MBNL1: variants seen among roughly 807,000 people sequenced by gnomAD.
The protein encoded by MBNL1 is muscleblind like splicing regulator 1.
Under a neutral mutation model 42.2 loss-of-function variants are expected in MBNL1, and 8 were observed. The observed-to-expected ratio is 0.19, with a 90% confidence interval of 0.11 to 0.34. The LOEUF (loss-of-function observed/expected upper bound fraction) is 0.34. Ranked by LOEUF, MBNL1 falls within the 10% of genes least tolerant of loss-of-function variation. MBNL1 has a pLI of 1.00. For missense variants in MBNL1, 309 were observed against 495.3 expected (o/e 0.62, Z 3.57); for synonymous variants, 169 against 173.9 (o/e 0.97, Z 0.22).
At chr3:152,392,919 A>C (rs931075934) in intron 2 of MBNL1, among the ~76,000 whole-genome samples, 1 of 152,222 alleles carries the variant, frequency 6.6e-6, no homozygotes, top group Non-Finnish European at 1.5e-5. Flanking sequence ...ACAGGAAAAC[A>C]TGCTTGTACA....
intron 2 of MBNL1, among the ~76,000 whole-genome samples, chr3:152,257,110 T>C (rs1047002793): frequency 6.6e-6 from 1 of 152,146 alleles, no homozygotes; most frequent in African/African-American, 2.4e-5. Context: ...CACCATACTA[T>C]CGGATTATTG....
At chr3:152,295,841 A>G (rs1163875200) in intron 1 of MBNL1, among the ~76,000 whole-genome samples, 1 of 152,256 alleles carries the variant, frequency 6.6e-6, no homozygotes, top group African/African-American at 2.4e-5. Context: ...GCACCTGCCA[A>G]GAACCCTCAG....
At chr3:152,461,227 A>G (rs1421914085) in intron 9 of MBNL1, among the ~76,000 whole-genome samples, 1 of 152,242 alleles carries the variant, frequency 6.6e-6, no homozygotes, top group Non-Finnish European at 1.5e-5. Context: ...TAAGAAAGAA[A>G]TGAGAGGCTC....
In MBNL1 at chr3:152,464,537, TAAG is replaced by T. The variant is rs1006851058; in HGVS notation, c.*2176_*2178del. The T allele has an allele frequency of 1.8e-4, 28 of 152,732 alleles. No individual in the cohort carries two copies. Among genetic ancestry groups the T allele is most frequent in the Admixed American group, 1.5e-3 (23 of 15,296 alleles). The allele number at this position is 152,732 out of a possible 1,614,324, so 9.5% of individuals were successfully genotyped here. Reference sequence around the variant, plus strand: ...TTATTTTGTTTGTAATTAGTTATTATAAGAAGATCTAGATCCTAGATATTAGAA... The same window carrying T: ...TTATTTTGTTTGTAATTAGTTATTATAAGATCTAGATCCTAGATATTAGAA... On this transcript the variant is annotated 3_prime_UTR_variant, in exon 10 of 10. Coordinates refer to ENST00000324210, the MANE Select transcript of MBNL1 (RefSeq NM_021038.5).
chr3:152,447,627 C>G lies in MBNL1; in HGVS notation c.815C>G (p.Pro272Arg). 1 of 1,612,264 alleles carries G rather than the reference C, an allele frequency of 6.2e-7. No homozygotes were observed. Among genetic ancestry groups the G allele is most frequent in the Non-Finnish European group, 8.5e-7 (1 of 1,178,884 alleles). The change falls in exon 6 of 10, where the codon CCT becomes CGT. Residue 272 changes from proline to arginine, a missense_variant. By Grantham distance (103) the Pro-to-Arg change is moderately radical. Transcript: ENST00000324210. The part of the protein sequence containing the change: ...AAATAAAMGI[P>R]QAVLPPLPKR... The stretch of plus-strand genomic sequence containing the variant: ...TACTCATTCACTAAACAGGGAATTC[C>G]TCAAGCTGTACTTCCCCCATTACCA...
chr3:152,432,804 G>T lies in MBNL1; in HGVS notation c.433G>T (p.Val145Phe). 6.2e-7 allele frequency: 1 copy of T among 1,614,166 alleles called. No individual in the cohort carries two copies. Among genetic ancestry groups the T allele is most frequent in the Non-Finnish European group, 8.5e-7 (1 of 1,180,032 alleles). ...PYLGPVSPSLVPAEILPTAPM... is the reference protein window; with the variant it reads ...PYLGPVSPSLFPAEILPTAPM... ...TCTGGGACCTGTTTCTCCAAGCCTG[G>T]TCCCGGCAGAGATCTTGCCGACTGC... The change falls in exon 4 of 10, where the codon GTC becomes TTC. Residue 145 changes from valine to phenylalanine, a missense_variant. Val to Phe is a conservative substitution (Grantham distance 50). Transcript: ENST00000324210.
At chr3:152,276,267 T>C (rs926961766) in intron 1 of MBNL1, among the ~76,000 whole-genome samples, 2 of 152,198 alleles carry the variant, frequency 1.3e-5, no homozygotes, top group African/African-American at 4.8e-5. Context: ...TTGAATACTT[T>C]CTGTGTGCTA....
intron 1 of MBNL1, among the ~76,000 whole-genome samples, chr3:152,290,574 A>G (rs1447297289): frequency 2.0e-5 from 3 of 152,124 alleles, no homozygotes; most frequent in African/African-American, 4.8e-5. Flanking sequence ...GTGTTGTGCA[A>G]TAATGTCATT....
At chr3:152,394,608 C>T (rs890237763) in intron 2 of MBNL1, among the ~76,000 whole-genome samples, 1 of 152,188 alleles carries the variant, frequency 6.6e-6, no homozygotes, top group African/African-American at 2.4e-5. Flanking sequence ...CTCTGTGGCA[C>T]ACTCTAAGCT....
intron 2 of MBNL1, among the ~76,000 whole-genome samples, chr3:152,403,382 T>A (rs1282463783): frequency 6.6e-6 from 1 of 152,236 alleles, no homozygotes; most frequent in Non-Finnish European, 1.5e-5. Context: ...ATGGCTTCAA[T>A]ACCCTTTTGC....
chr3:152,327,068 C>T (rs912062820), intron 2 of MBNL1, among the ~76,000 whole-genome samples: 5 of 151,932 alleles, frequency 3.3e-5, no homozygotes, highest in Admixed American at 6.6e-5. Context: ...CTTGGCCTCC[C>T]GAAGTGCTGG....
chr3:152,394,697 C>G (rs755692028), intron 2 of MBNL1, among the ~76,000 whole-genome samples: 1 of 152,118 alleles, frequency 6.6e-6, no homozygotes, highest in Non-Finnish European at 1.5e-5. Context: ...CATAAATAAG[C>G]AACATAATTA....
intron 4 of MBNL1, among the ~76,000 whole-genome samples, chr3:152,434,697 C>A (rs997852347): frequency 1.3e-5 from 2 of 152,156 alleles, no homozygotes; most frequent in African/African-American, 2.4e-5. Context: ...TTCTTTGCAA[C>A]CTTGTCAACA....
intron 2 of MBNL1, among the ~76,000 whole-genome samples, chr3:152,250,053 G>A (rs1292644133): frequency 6.6e-6 from 1 of 151,794 alleles, no homozygotes; most frequent in African/African-American, 2.4e-5. Flanking sequence ...CAGGTAGTGT[G>A]ATGCCTCCAG....
At chr3:152,285,482 T>G (rs1577127698) in intron 1 of MBNL1, among the ~76,000 whole-genome samples, 2 of 152,230 alleles carry the variant, frequency 1.3e-5, no homozygotes, top group South Asian at 2.1e-4. Context: ...CTTAGAGTTG[T>G]GAGGAACAAA....
chr3:152,274,459 A>G (rs2043713534), intron 1 of MBNL1, among the ~76,000 whole-genome samples: 1 of 152,184 alleles, frequency 6.6e-6, no homozygotes, highest in Non-Finnish European at 1.5e-5. Flanking sequence ...TTTAATAAAC[A>G]ATGGCTGGGT....
In MBNL1 at chr3:152,463,845, T is replaced by C. The variant is rs554739264; in HGVS notation, c.*1479T>C. Reference sequence around the variant, plus strand: ...AAGTAGGGGCCAGGTCACTGGTAGTTATAGTATGGAATGGGAGAAGTGAAA... The same window carrying C: ...AAGTAGGGGCCAGGTCACTGGTAGTCATAGTATGGAATGGGAGAAGTGAAA... On this transcript the variant is annotated 3_prime_UTR_variant, in exon 10 of 10. Transcript: ENST00000324210. 1.3e-5 allele frequency: 2 copies of C among 152,566 alleles called. No individual in the cohort carries two copies. Among genetic ancestry groups the C allele is most frequent in the Non-Finnish European group, 2.9e-5 (2 of 67,966 alleles). 9.5% of individuals were successfully genotyped at this position (152,566 alleles called of 1,614,324 possible).
chr3:152,380,950 A>T (rs895425435), intron 2 of MBNL1, among the ~76,000 whole-genome samples: 1 of 152,064 alleles, frequency 6.6e-6, no homozygotes. Context: ...GCAAGTTCTT[A>T]TACCTTAATA....
At chr3:152,340,244 C>T in intron 2 of MBNL1, 1 of 307,064 alleles carries the variant, frequency 3.3e-6, no homozygotes, top group East Asian at 6.6e-5. Flanking sequence ...ATTGCTTGAG[C>T]CCAGGAGGTC....
Sources: allele counts gnomAD v4.1 joint callset (sites outside exome capture counted in the v4.1 genomes callset), GRCh38; gene constraint gnomAD v4.1.1; transcripts MANE v1.5; gene names NCBI Gene and HGNC (gene_info 2026-07-23, HGNC 2026-07-21).